JAKMIP3: variants seen among roughly 807,000 people sequenced by gnomAD.
JAKMIP3 encodes janus kinase and microtubule-interacting protein 3.
Under a neutral mutation model 118.5 loss-of-function variants are expected in JAKMIP3, and 58 were observed. The ratio of observed to expected loss-of-function variants is 0.49; its 90% CI spans 0.40 to 0.61. JAKMIP3 has a LOEUF of 0.61. Ranked by LOEUF, JAKMIP3 falls within the 20% of genes least tolerant of loss-of-function variation. JAKMIP3 has a pLI of 0.00. For synonymous variants in JAKMIP3, 486 were observed against 451.2 expected (o/e 1.08, Z -0.98); for missense variants, 950 against 1,109.0 (o/e 0.86, Z 2.04).
chr10:132,151,259 CTTCA>C (rs145524203), intron 16 of JAKMIP3, among the ~76,000 whole-genome samples: 1 of 152,286 alleles, frequency 6.6e-6, no homozygotes, highest in African/African-American at 2.4e-5. Context: ...TCTTTCCATC[CTTCA>C]TCCTTTATCC....
upstream of JAKMIP3, among the ~76,000 whole-genome samples, chr10:132,064,447 C>G (rs1036606044): frequency 6.6e-6 from 1 of 152,132 alleles, no homozygotes; most frequent in African/African-American, 2.4e-5. The surrounding 1 kb of genome is among the most constrained non-coding windows in gnomAD (Gnocchi z 4.4). Flanking sequence ...CCCGAGCCGC[C>G]GGCATGGGAA....
chr10:132,133,431 C>T lies in JAKMIP3; in HGVS notation c.753C>T (p.Ser251=), dbSNP rs2051043093. The change falls in exon 4 of 24, where the codon TCC becomes TCT. Residue 251 remains serine (S), a synonymous_variant. Coordinates refer to ENST00000684848, the MANE Select transcript of JAKMIP3 (RefSeq NM_001323087.2). ...AAGAGGCTCTAGATGAGCAGCTGTC[C>T]CAGGTCCGAGAGGCCGACCGGCACC... ...LQKEALDEQL[S]QVREADRHPG... 1 of 1,591,862 alleles carries T rather than the reference C, an allele frequency of 6.3e-7. No homozygotes were observed. The highest frequency in any genetic ancestry group is 8.5e-7 in the Non-Finnish European group (1 of 1,169,604).
At chr10:132,038,189 A>G (rs566522368) in intron 1 of JAKMIP3, among the ~76,000 whole-genome samples, 8 of 152,344 alleles carry the variant, frequency 5.3e-5, no homozygotes, top group South Asian at 2.1e-4. Flanking sequence ...TCAATTTCCA[A>G]TGATAGCCAC....
chr10:132,128,805 A>G (rs1030886445), intron 3 of JAKMIP3, among the ~76,000 whole-genome samples: 1 of 152,230 alleles, frequency 6.6e-6, no homozygotes, highest in African/African-American at 2.4e-5. Flanking sequence ...CTCTATTAGA[A>G]AAATATAAAG....
chr10:132,040,826 T>C (rs2037719799), intron 1 of JAKMIP3, among the ~76,000 whole-genome samples: 1 of 152,154 alleles, frequency 6.6e-6, no homozygotes, highest in African/African-American at 2.4e-5. Context: ...TAACAGAAAC[T>C]TTTCTCTGTT....
intron 1 of JAKMIP3, among the ~76,000 whole-genome samples, chr10:132,090,574 T>C (rs1349032382): frequency 6.6e-6 from 1 of 152,230 alleles, no homozygotes; most frequent in African/African-American, 2.4e-5. Flanking sequence ...TATCATTTTT[T>C]ATTGCATCTA....
chr10:132,072,113 G>A (rs531910067), intron 1 of JAKMIP3, among the ~76,000 whole-genome samples: 50 of 151,978 alleles, frequency 3.3e-4, no homozygotes, highest in Non-Finnish European at 3.8e-4. Flanking sequence ...CACCATGCCC[G>A]GCTAATTTTT....
At chr10:132,109,740 T>C (rs1589834491) in intron 2 of JAKMIP3, among the ~76,000 whole-genome samples, 2 of 152,316 alleles carry the variant, frequency 1.3e-5, no homozygotes. Context: ...CTTGAGGCTG[T>C]AGCTTCTGTG....
intron 9 of JAKMIP3, 107 bp from the exon 10 acceptor site, chr10:132,140,344 C>G: frequency 6.7e-7 from 1 of 1,486,232 alleles, no homozygotes; most frequent in Non-Finnish European, 9.2e-7. Context: ...GAGTGTGTCG[C>G]AGGGTGGGGC....
At chr10:132,065,544 C>G (rs7902748), upstream of JAKMIP3, among the ~76,000 whole-genome samples, 1 of 151,622 alleles carries the variant, frequency 6.6e-6, no homozygotes, top group South Asian at 2.1e-4. The surrounding 1 kb of genome is among the most constrained non-coding windows in gnomAD (Gnocchi z 5.6). Context: ...GCCGAGGGGG[C>G]GGTGAGGGCA....
intron 1 of JAKMIP3, among the ~76,000 whole-genome samples, chr10:132,082,783 A>G (rs950729184): frequency 6.6e-6 from 1 of 151,944 alleles, no homozygotes; most frequent in Non-Finnish European, 1.5e-5. Flanking sequence ...GCTAATTTTT[A>G]TATTTTTAAT....
At chr10:132,139,511 AGTGT>A (rs1204191436) in intron 9 of JAKMIP3, among the ~76,000 whole-genome samples, 2 of 60,684 alleles carry the variant, frequency 3.3e-5, no homozygotes, top group Admixed American at 1.6e-4. Flanking sequence ...TGTATGTGTG[AGTGT>A]GAGTGTGTGT....
rs1051117509 is a variant in JAKMIP3 at position 132,066,060 on chromosome 10, ATGTGAG to A, written c.-138+3_-138+8del. 1.8e-4 allele frequency among the ~76,000 whole-genome samples: 27 copies of A among 152,258 alleles called. No individual in the cohort carries two copies. The highest frequency in any genetic ancestry group is 5.5e-4 in the African/African-American group (23 of 41,564). On this transcript the variant is annotated splice_donor_variant and splice_donor_5th_base_variant and 5_prime_UTR_variant and intron_variant, in exon 1 of 24. Transcript: ENST00000684848. LOFTEE classifies it low-confidence loss of function (5UTR_SPLICE). ...AGAGGAGCAGACAGCGAGCTTTGGAATGTGAGTGTTTATTTTCTGACTGCTGCAGAG... is the reference window on the plus strand; with the variant it reads ...AGAGGAGCAGACAGCGAGCTTTGGAATGTTTATTTTCTGACTGCTGCAGAG...
chr10:132,097,887 TCCCTTCCCCTTCCCCTTC>T (rs1184902862), intron 1 of JAKMIP3, among the ~76,000 whole-genome samples: 9 of 113,866 alleles, frequency 7.9e-5, no homozygotes, highest in African/African-American at 3.0e-4. Context: ...TTTATTTTCT[TCCCTTCCCCTTCCCCTTC>T]CCCTTCCCCT....
At chr10:132,094,714 T>G (rs1338925016) in intron 1 of JAKMIP3, among the ~76,000 whole-genome samples, 1 of 152,188 alleles carries the variant, frequency 6.6e-6, no homozygotes, top group Non-Finnish European at 1.5e-5. Flanking sequence ...GTTGGCCTCC[T>G]GCTGGGAGGT....
chr10:132,141,914 C>A lies in JAKMIP3; in HGVS notation c.1474-6C>A. On this transcript the variant is annotated splice_polypyrimidine_tract_variant and splice_region_variant and intron_variant, in intron 10 of 23. Coordinates refer to ENST00000684848, the MANE Select transcript of JAKMIP3 (RefSeq NM_001323087.2). The stretch of plus-strand genomic sequence containing the variant: ...CTGTGCGTGTGTGGCATCCGTGTCT[C>A]TCCAGGGCATGGCCAAGGAGGAGAC... The A allele has an allele frequency of 6.3e-7, 1 of 1,592,122 alleles. No individual in the cohort carries two copies. Among genetic ancestry groups the A allele is most frequent in the South Asian group, 1.1e-5 (1 of 87,506 alleles).
At position 132,097,947 on chromosome 10, in the gene JAKMIP3, C is replaced by CCCTTT. The variant is rs2044205268; in HGVS notation, c.-137-6723_-137-6722insTTTCC. On this transcript the variant is annotated intron_variant, in intron 1 of 23. Transcript: ENST00000684848. ...TTCCTTCCCCTTCCCCTTTCCCTTT[C>CCCTTT]CCATCCCCTTTCCCTTTCCTTCCTT... 1.4e-4 allele frequency among the ~76,000 whole-genome samples: 5 copies of CCCTTT among 35,570 alleles called. 1 individual carries two copies. The highest frequency in any genetic ancestry group is 4.9e-4 in the African/African-American group (5 of 10,304). The allele number at this position is 35,570 out of a possible 152,430, so 23.3% of individuals were successfully genotyped here.
intron 19 of JAKMIP3, among the ~76,000 whole-genome samples, chr10:132,159,347 G>A (rs1389305402): frequency 8.0e-6 from 1 of 125,278 alleles, no homozygotes; most frequent in Non-Finnish European, 1.7e-5. Flanking sequence ...TGATGCTGAG[G>A]GGGCCTCTCC....
At chr10:132,167,843 C>A (rs1405607718) in intron 22 of JAKMIP3, 110 bp from the exon 23 acceptor site, 1 of 724,602 alleles carries the variant, frequency 1.4e-6, no homozygotes, top group Non-Finnish European at 2.0e-6. Flanking sequence ...TCGGCCCTCG[C>A]CCCTCGCCCC....
Sources: gnomAD v4.1 joint callset for allele counts (sites outside exome capture counted in the v4.1 genomes callset) on GRCh38, gnomAD v4.1.1 for gene constraint, Gnocchi (gnomAD v3.1) non-coding constraint, MANE v1.5 for transcripts, NCBI Gene and HGNC (gene_info 2026-07-23, HGNC 2026-07-21) for gene names.